CTNNA1: variants seen among roughly 807,000 people sequenced by gnomAD.
CTNNA1 encodes the protein catenin alpha-1.
A neutral mutation model predicts 98.4 loss-of-function variants in CTNNA1; 37 were observed. The observed-to-expected ratio is 0.38, with a 90% CI of 0.29 to 0.49. The LOEUF (loss-of-function observed/expected upper bound fraction) is 0.49. Among genes scored for constraint, CTNNA1 ranks in the 20% least tolerant of loss-of-function variants. The pLI is 0.95. For missense variants in CTNNA1, 761 were observed against 1,147.2 expected (o/e 0.66, Z 4.86); for synonymous variants, 404 against 413.2 (o/e 0.98, Z 0.27).
At chr5:138,929,125 GA>G in intron 13 of CTNNA1, 120 bp from the exon 14 acceptor site, 1 of 761,686 alleles carries the variant, frequency 1.3e-6, no homozygotes, top group Non-Finnish European at 2.4e-6. Context: ...ATACTGTTCA[GA>G]ACACTGCACA....
intron 3 of CTNNA1, among the ~76,000 whole-genome samples, chr5:138,804,001 G>A (rs1048135665): frequency 2.6e-5 from 4 of 152,200 alleles, no homozygotes; most frequent in African/African-American, 9.6e-5. Context: ...GAATACTGAT[G>A]AAACACAATG....
intron 1 of CTNNA1, among the ~76,000 whole-genome samples, chr5:138,776,873 G>C (rs1447157310): frequency 7.4e-6 from 1 of 134,638 alleles, no homozygotes; most frequent in African/African-American, 2.8e-5. Flanking sequence ...CCTCCCTCCC[G>C]GGCGGGGCGG....
chr5:138,810,104 A>G lies in CTNNA1; in HGVS notation c.368A>G (p.Asn123Ser), dbSNP rs1581105631. The change falls in exon 4 of 18, where the codon AAC becomes AGC. Residue 123 changes from asparagine to serine, a missense_variant. This residue lies in a region of CTNNA1 where 328 missense variants were observed against 354.3 expected (regional missense o/e 0.93). Coordinates refer to ENST00000302763, the MANE Select transcript of CTNNA1 (RefSeq NM_001903.5). Reference protein sequence around the residue: ...DDPCSSVKRGNMVRAARALLS... With the variant: ...DDPCSSVKRGSMVRAARALLS... ...CCCTGCTCTTCTGTGAAGCGAGGCA[A>G]CATGGTTCGGGCAGCTCGAGCTTTG... 1 of 1,614,222 alleles carries G rather than the reference A, an allele frequency of 6.2e-7. No individual in the cohort carries two copies. The highest frequency in any genetic ancestry group is 8.5e-7 in the Non-Finnish European group (1 of 1,180,010).
At chr5:138,822,077 A>T (rs2149767213) in intron 5 of CTNNA1, among the ~76,000 whole-genome samples, 1 of 152,346 alleles carries the variant, frequency 6.6e-6, no homozygotes, top group Non-Finnish European at 1.5e-5. Context: ...TTCATCATAG[A>T]TTAAAATATA....
intron 9 of CTNNA1, among the ~76,000 whole-genome samples, chr5:138,894,136 C>G (rs1318089572): frequency 6.6e-6 from 1 of 151,950 alleles, no homozygotes; most frequent in Non-Finnish European, 1.5e-5. Flanking sequence ...CCAGGCTGGT[C>G]TCGAACTCCT....
chr5:138,821,503 T>C (rs747476395), intron 5 of CTNNA1, among the ~76,000 whole-genome samples: 19 of 152,256 alleles, frequency 1.2e-4, no homozygotes, highest in Non-Finnish European at 2.4e-4. Flanking sequence ...GTAAATACTT[T>C]GGACTGGTTG....
At chr5:138,814,051 T>G (rs1759143668) in intron 5 of CTNNA1, among the ~76,000 whole-genome samples, 1 of 152,204 alleles carries the variant, frequency 6.6e-6, no homozygotes, top group Non-Finnish European at 1.5e-5. Context: ...ATGTACAGTG[T>G]TTAATATAGT....
chr5:138,822,192 A>G (rs922749830), intron 5 of CTNNA1, among the ~76,000 whole-genome samples: 1 of 152,210 alleles, frequency 6.6e-6, no homozygotes, highest in African/African-American at 2.4e-5. Context: ...TTTAAGCATA[A>G]TGGTTAACCC....
intron 7 of CTNNA1, among the ~76,000 whole-genome samples, chr5:138,839,015 G>A (rs1762045085): frequency 6.6e-6 from 1 of 152,090 alleles, no homozygotes; most frequent in Non-Finnish European, 1.5e-5. Context: ...TTAGAAGTAT[G>A]TTGTGTAATT....
chr5:138,925,234 T>C (rs541433759), intron 12 of CTNNA1, 22 bp from the exon 13 acceptor site: 45 of 1,611,580 alleles, frequency 2.8e-5, no homozygotes, highest in Non-Finnish European at 3.5e-5. Flanking sequence ...CCAGGGTATC[T>C]ACTGTGCCTC....
chr5:138,772,102 C>G (rs1561507495), intron 1 of CTNNA1, among the ~76,000 whole-genome samples: 1 of 152,176 alleles, frequency 6.6e-6, no homozygotes, highest in Non-Finnish European at 1.5e-5. Flanking sequence ...GGCAGTTTGC[C>G]AGTTATCAGC....
At chr5:138,788,109 C>A (rs1755920039) in intron 3 of CTNNA1, among the ~76,000 whole-genome samples, 1 of 152,160 alleles carries the variant, frequency 6.6e-6, no homozygotes. Flanking sequence ...CGTATCCCCC[C>A]ATCCTTATCA....
chr5:138,778,336 C>T (rs1017518512), intron 1 of CTNNA1, among the ~76,000 whole-genome samples: 4 of 152,134 alleles, frequency 2.6e-5, no homozygotes, highest in African/African-American at 9.7e-5. Flanking sequence ...TTTTGTAGAT[C>T]GTCTCACGCT....
intron 1 of CTNNA1, chr5:138,753,729 C>G: frequency 3.2e-6 from 1 of 310,114 alleles, no homozygotes; most frequent in Non-Finnish European, 5.9e-6. Flanking sequence ...GTATGGGGCC[C>G]GGGCGGGCAC....
intron 9 of CTNNA1, among the ~76,000 whole-genome samples, chr5:138,900,609 A>G (rs1561689837): frequency 1.3e-5 from 2 of 152,238 alleles, no homozygotes; most frequent in East Asian, 1.9e-4. Context: ...TCATAATGGG[A>G]TTTTTTCCTA....
intron 1 of CTNNA1, among the ~76,000 whole-genome samples, chr5:138,755,643 G>T (rs567063983): frequency 2.0e-5 from 3 of 152,152 alleles, no homozygotes; most frequent in Non-Finnish European, 4.4e-5. Flanking sequence ...TCTGTCATCA[G>T]CCTTATGTGC....
chr5:138,776,980 G>A (rs1470401407), intron 1 of CTNNA1, among the ~76,000 whole-genome samples: 5 of 148,962 alleles, frequency 3.4e-5, no homozygotes, highest in African/African-American at 7.4e-5. Context: ...CGGACGGGGC[G>A]GCTGGCCTGG....
chr5:138,795,276 A>G (rs1327215996), intron 3 of CTNNA1, among the ~76,000 whole-genome samples: 1 of 151,942 alleles, frequency 6.6e-6, no homozygotes, highest in East Asian at 1.9e-4. Flanking sequence ...CCTGACCAAC[A>G]TGGTGAGACC....
intron 3 of CTNNA1, among the ~76,000 whole-genome samples, chr5:138,801,079 C>T (rs984523655): frequency 1.1e-4 from 17 of 152,122 alleles, no homozygotes; most frequent in Non-Finnish European, 1.5e-5. Context: ...GTGAACTGCT[C>T]AGGTGGAGAT....
Sources: allele counts gnomAD v4.1 joint callset (sites outside exome capture counted in the v4.1 genomes callset), GRCh38; gene constraint gnomAD v4.1.1; regional missense constraint gnomAD v4.1.1; transcripts MANE v1.5; gene names NCBI Gene and HGNC (gene_info 2026-07-23, HGNC 2026-07-21).